The following RPS6KC1 variants were observed in gnomAD, a reference collection of about 807,000 sequenced individuals.
The protein encoded by RPS6KC1 is ribosomal protein S6 kinase C1.
RPS6KC1 carries 54 observed loss-of-function variants against 103.8 expected under a neutral mutation model. The observed-to-expected ratio is 0.52, with a 90% CI of 0.42 to 0.65. The LOEUF is 0.65. Among genes scored for constraint, RPS6KC1 ranks in the 30% least tolerant of loss-of-function variants. The probability of loss-of-function intolerance (pLI) is 0.00; values close to 1 mark genes in which losing one functional copy is unlikely to be tolerated. For missense variants in RPS6KC1, 1,151 were observed against 1,253.8 expected, an observed-to-expected ratio of 0.92 and a Z score of 1.24; for synonymous variants, 439 against 438.7, an observed-to-expected ratio of 1.00 and a Z score of -0.01.
At chr1:213,086,801 A>G (rs2080439626) in intron 3 of RPS6KC1, among the ~76,000 whole-genome samples, 1 of 152,190 alleles carries the variant, frequency 6.6e-6, no homozygotes, top group Non-Finnish European at 1.5e-5. Flanking sequence ...ACATACCTCT[A>G]ATCATTTGCA....
the RPS6KC1 span, among the ~76,000 whole-genome samples, chr1:213,361,194 G>A: frequency 3.5e-4 from 54 of 152,290 alleles, no homozygotes; most frequent in African/African-American, 1.1e-3. Flanking sequence ...CTTGAGCTGC[G>A]GTGGGCTCCA....
At chr1:213,144,416 T>C (rs1003418330) in intron 6 of RPS6KC1, among the ~76,000 whole-genome samples, 5 of 151,962 alleles carry the variant, frequency 3.3e-5, no homozygotes, top group Non-Finnish European at 7.4e-5. Flanking sequence ...GCTGGGATTA[T>C]AGCTGTGAAA....
chr1:213,832,144 T>C, the RPS6KC1 span, among the ~76,000 whole-genome samples: 1 of 152,186 alleles, frequency 6.6e-6, no homozygotes, highest in Non-Finnish European at 1.5e-5. Flanking sequence ...ATACTGGAGT[T>C]TGAGTAGCTA....
chr1:213,672,257 C>T, the RPS6KC1 span, among the ~76,000 whole-genome samples: 1 of 152,172 alleles, frequency 6.6e-6, no homozygotes, highest in African/African-American at 2.4e-5. Flanking sequence ...TTCTCCACAC[C>T]CATATTTGGC....
the RPS6KC1 span, among the ~76,000 whole-genome samples, chr1:213,705,611 CA>C: frequency 6.6e-6 from 1 of 152,238 alleles, no homozygotes; most frequent in Non-Finnish European, 1.5e-5. Flanking sequence ...TGAGCTGGTA[CA>C]TAGAACGTAA....
At chr1:213,512,460 A>G in the RPS6KC1 span, among the ~76,000 whole-genome samples, 2 of 152,194 alleles carry the variant, frequency 1.3e-5, no homozygotes, top group Non-Finnish European at 2.9e-5. Context: ...AATAAAAGTC[A>G]CACAGCTCTC....
chr1:213,478,974 C>T, the RPS6KC1 span, among the ~76,000 whole-genome samples: 12 of 151,976 alleles, frequency 7.9e-5, no homozygotes, highest in East Asian at 1.9e-4. Context: ...TTTGTAATCA[C>T]TAATAGTCAT....
At chr1:213,090,844 A>G (rs1213556427) in intron 3 of RPS6KC1, among the ~76,000 whole-genome samples, 2 of 152,248 alleles carry the variant, frequency 1.3e-5, no homozygotes, top group Non-Finnish European at 2.9e-5. Context: ...ACATAAAAGG[A>G]TGTTTTTATG....
chr1:213,437,200 A>C, the RPS6KC1 span, among the ~76,000 whole-genome samples: 28 of 152,096 alleles, frequency 1.8e-4, no homozygotes, highest in African/African-American at 6.8e-4. Flanking sequence ...ATTGCAAAGA[A>C]TATTTTTAAA....
At chr1:213,476,227 C>T in the RPS6KC1 span, among the ~76,000 whole-genome samples, 7,110 of 152,238 alleles carry the variant, frequency 0.047, 523 homozygotes, top group African/African-American at 0.16. Flanking sequence ...AGGATCTTGA[C>T]TGGGCTTGGC....
At chr1:213,584,665 G>T in the RPS6KC1 span, among the ~76,000 whole-genome samples, 3 of 152,238 alleles carry the variant, frequency 2.0e-5, no homozygotes, top group Non-Finnish European at 4.4e-5. Flanking sequence ...GTTTTGAGAA[G>T]AAAACTCAGG....
At chr1:213,678,226 C>T in the RPS6KC1 span, among the ~76,000 whole-genome samples, 1 of 152,168 alleles carries the variant, frequency 6.6e-6, no homozygotes, top group Non-Finnish European at 1.5e-5. Context: ...CAATAGATCA[C>T]ATAGGAAACC....
intron 4 of RPS6KC1, among the ~76,000 whole-genome samples, chr1:213,111,862 CT>C (rs1314257893): frequency 1.3e-5 from 2 of 152,114 alleles, no homozygotes; most frequent in Non-Finnish European, 2.9e-5. Context: ...TAAAAGATGG[CT>C]TAGTCTAGAA....
the RPS6KC1 span, among the ~76,000 whole-genome samples, chr1:213,545,410 AT>A: frequency 1.3e-5 from 1 of 74,150 alleles, no homozygotes; most frequent in Non-Finnish European, 3.2e-5. Flanking sequence ...AAATAAATAA[AT>A]AAATAAAATA....
intron 12 of RPS6KC1, among the ~76,000 whole-genome samples, chr1:213,259,811 T>C (rs1437270529): frequency 1.4e-5 from 2 of 140,340 alleles, no homozygotes; most frequent in African/African-American, 5.1e-5. Flanking sequence ...TGCTCTCAGC[T>C]CACCGCAACC....
the RPS6KC1 span, among the ~76,000 whole-genome samples, chr1:213,588,433 G>A: frequency 6.6e-6 from 1 of 151,766 alleles, no homozygotes; most frequent in African/African-American, 2.4e-5. Flanking sequence ...TGAGTGGCTG[G>A]GATTACAGGT....
the RPS6KC1 span, among the ~76,000 whole-genome samples, chr1:213,739,556 A>C: frequency 6.6e-6 from 1 of 152,194 alleles, no homozygotes; most frequent in East Asian, 1.9e-4. Flanking sequence ...ACCATGTTCC[A>C]GGCATACTGA....
At chr1:213,626,291 A>G in the RPS6KC1 span, among the ~76,000 whole-genome samples, 1 of 151,924 alleles carries the variant, frequency 6.6e-6, no homozygotes, top group Non-Finnish European at 1.5e-5. Context: ...TTTTCTTGTA[A>G]ATTTGTTTGA....
At chr1:213,423,462 T>C in the RPS6KC1 span, among the ~76,000 whole-genome samples, 59 of 152,214 alleles carry the variant, frequency 3.9e-4, no homozygotes, top group Non-Finnish European at 7.1e-4. Context: ...TCTTCTCATT[T>C]TGTCAGCTCA....
Sources: gnomAD v4.1 joint callset for allele counts (sites outside exome capture counted in the v4.1 genomes callset) on GRCh38, gnomAD v4.1.1 for gene constraint, MANE v1.5 for transcripts, NCBI Gene and HGNC (gene_info 2026-07-23, HGNC 2026-07-21) for gene names.